VDAC2: variants seen among roughly 807,000 people sequenced by gnomAD.
The protein encoded by VDAC2 is non-selective voltage-gated ion channel VDAC2.
VDAC2 carries 6 observed loss-of-function variants against 36.6 expected under a neutral mutation model. The observed-to-expected ratio is 0.16, with a 90% confidence interval of 0.09 to 0.32. VDAC2 has a LOEUF of 0.32. Among genes scored for constraint, VDAC2 ranks in the 10% least tolerant of loss-of-function variants. VDAC2 has a pLI of 1.00. For missense variants in VDAC2, 247 were observed against 346.0 expected, an observed-to-expected ratio of 0.71 and a Z score of 2.27; for synonymous variants, 109 against 123.8, an observed-to-expected ratio of 0.88 and a Z score of 0.79.
chr10:75,227,242 T>TGAACCCCAGGGGGTTGTGG (rs1255005414), intron 8 of VDAC2, among the ~76,000 whole-genome samples: 4 of 152,192 alleles, frequency 2.6e-5, no homozygotes, highest in Admixed American at 1.3e-4. Context: ...GGAAATTACT[T>TGAACCCCAGGGGGTTGTGG]GAACCCCAGG....
At chr10:75,211,532 C>T (rs185839968) in intron 2 of VDAC2, 114 of 1,548,682 alleles carry the variant, frequency 7.4e-5, no homozygotes, top group Non-Finnish European at 9.2e-5. Flanking sequence ...CTTGTGAGAG[C>T]GCAAGGTCAT....
intron 4 of VDAC2, among the ~76,000 whole-genome samples, chr10:75,214,940 G>T (rs4746275): frequency 0.57 from 86,663 of 152,128 alleles, 26,349 homozygotes; most frequent in East Asian, 0.92. Flanking sequence ...GGTCTCACTC[G>T]GTTGCCCAGG....
intron 4 of VDAC2, chr10:75,217,946 G>T: frequency 7.8e-7 from 1 of 1,288,814 alleles, no homozygotes; most frequent in South Asian, 1.2e-5. Context: ...TCTTCCTTAG[G>T]CTTGGCGTGG....
At chr10:75,211,080 A>G (rs1343238526) in intron 1 of VDAC2, 54 bp from the exon 2 acceptor site, 1 of 1,489,730 alleles carries the variant, frequency 6.7e-7, no homozygotes, top group Admixed American at 2.1e-5. Flanking sequence ...TCTGCCCGGG[A>G]TCTCCCTTTG....
chr10:75,228,216 C>G (rs1471506297), intron 8 of VDAC2, among the ~76,000 whole-genome samples: 1 of 151,212 alleles, frequency 6.6e-6, no homozygotes, highest in Non-Finnish European at 1.5e-5. Context: ...GTCTATCCAG[C>G]TGTCTGAGGC....
At chr10:75,216,556 A>C (rs1590001453) in intron 4 of VDAC2, among the ~76,000 whole-genome samples, 1 of 152,132 alleles carries the variant, frequency 6.6e-6, no homozygotes, top group Non-Finnish European at 1.5e-5. Context: ...CTGTTTTCTT[A>C]CCTGAACAGC....
rs575158193 is a variant in VDAC2, at chr10:75,216,007, G to A, written c.150+1937G>A. 1.6e-4 allele frequency among the ~76,000 whole-genome samples: 24 copies of A among 152,332 alleles called. 1 individual carries two copies. In the South Asian group the frequency reaches 4.8e-3, roughly 30 times the overall value. On this transcript the variant is annotated intron_variant, in intron 4 of 9. Transcript: ENST00000332211. ...AGGCGTGAGCCACAGCGCTAGCCCT[G>A]TAGTTTAAAAGCCTAGGCCTGTTGG...
intron 2 of VDAC2, chr10:75,211,743 T>A: frequency 6.7e-7 from 1 of 1,485,404 alleles, no homozygotes; most frequent in Non-Finnish European, 9.2e-7. Context: ...CAAGTTTCAA[T>A]ATTTAAATTC....
At chr10:75,216,290 A>C (rs1393061270) in intron 4 of VDAC2, among the ~76,000 whole-genome samples, 1 of 152,038 alleles carries the variant, frequency 6.6e-6, no homozygotes, top group Non-Finnish European at 1.5e-5. Context: ...GAGACAAAAT[A>C]AACTGAGAGT....
At chr10:75,228,377 C>A (rs10824292) in intron 8 of VDAC2, among the ~76,000 whole-genome samples, 14,856 of 152,048 alleles carry the variant, frequency 0.098, 791 homozygotes, top group Middle Eastern at 0.15. Flanking sequence ...CCACTCACCC[C>A]CCACTTCCCT....
intron 4 of VDAC2, chr10:75,217,843 C>A: frequency 8.7e-7 from 1 of 1,150,460 alleles, no homozygotes; most frequent in Non-Finnish European, 1.1e-6. Flanking sequence ...GGTTGACTGG[C>A]CTTTCCTCCT....
intron 8 of VDAC2, among the ~76,000 whole-genome samples, chr10:75,227,457 T>G (rs114953386): frequency 0.011 from 1,707 of 152,264 alleles, 36 homozygotes; most frequent in African/African-American, 0.039. Context: ...CAGAATCGTT[T>G]GCTTGATGTG....
chr10:75,226,459 T>G (rs1017372138), intron 8 of VDAC2, among the ~76,000 whole-genome samples: 10 of 148,772 alleles, frequency 6.7e-5, no homozygotes, highest in East Asian at 5.9e-4. Flanking sequence ...GGGTTTTTTT[T>G]TTTTTTTTTT....
chr10:75,219,489 A>C, intron 6 of VDAC2, 133 bp downstream of exon 6: 1 of 730,154 alleles, frequency 1.4e-6, no homozygotes, highest in Non-Finnish European at 2.2e-6. Flanking sequence ...ATCTGCTTTT[A>C]TTTATTTATT....
intron 9 of VDAC2, 43 bp downstream of exon 9, chr10:75,229,744 A>G: frequency 6.7e-7 from 1 of 1,501,360 alleles, no homozygotes; most frequent in Non-Finnish European, 9.0e-7. Context: ...ATAGTATTAA[A>G]AAATTTAGTT....
intron 4 of VDAC2, among the ~76,000 whole-genome samples, chr10:75,216,140 G>T (rs1329468840): frequency 6.6e-6 from 1 of 152,198 alleles, no homozygotes; most frequent in Non-Finnish European, 1.5e-5. Flanking sequence ...AAGTTAACAG[G>T]TTACAGAGCA....
chr10:75,227,186 T>C (rs571741209), intron 8 of VDAC2, among the ~76,000 whole-genome samples: 1 of 152,318 alleles, frequency 6.6e-6, no homozygotes, highest in South Asian at 2.1e-4. Context: ...AAATATCCTA[T>C]ATAACTGGTA....
At chr10:75,214,226 C>T (rs897227188) in intron 4 of VDAC2, among the ~76,000 whole-genome samples, 156 bp downstream of exon 4, 2 of 152,136 alleles carry the variant, frequency 1.3e-5, no homozygotes, top group Admixed American at 6.5e-5. Flanking sequence ...TTTATTTTGG[C>T]CTTGAATGTG....
At chr10:75,221,110 GT>G in intron 7 of VDAC2, 140 bp downstream of exon 7, 3 of 920,374 alleles carry the variant, frequency 3.3e-6, no homozygotes, top group Non-Finnish European at 4.8e-6. Flanking sequence ...CATTTCTAGG[GT>G]GCCCCTTGAA....
Sources: gnomAD v4.1 joint callset for allele counts (sites outside exome capture counted in the v4.1 genomes callset) on GRCh38, gnomAD v4.1.1 for gene constraint, MANE v1.5 for transcripts, NCBI Gene and HGNC (gene_info 2026-07-23, HGNC 2026-07-21) for gene names.